The following NEK11 variants were observed in gnomAD, a reference collection of about 807,000 sequenced individuals.
NEK11 encodes the protein serine/threonine-protein kinase Nek11.
A neutral mutation model predicts 80.7 loss-of-function variants in NEK11; 72 were observed. The observed-to-expected ratio is 0.89, with a 90% confidence interval of 0.74 to 1.08. NEK11 has a LOEUF of 1.08. Among genes scored for constraint, NEK11 ranks in the 50% least tolerant of loss-of-function variants. The probability of loss-of-function intolerance (pLI) is 0.00; values close to 1 mark genes in which losing one functional copy is unlikely to be tolerated. For synonymous variants in NEK11, 251 were observed against 260.7 expected (o/e 0.96, Z 0.36); for missense variants, 764 against 763.6 (o/e 1.00, Z -0.01).
At chr3:131,104,771 A>C in intron 4 of NEK11, among the ~76,000 whole-genome samples, 1 of 152,282 alleles carries the variant, frequency 6.6e-6, no homozygotes, top group South Asian at 2.1e-4. Context: ...TGTGGGCTTC[A>C]GTGGTAGCTC....
chr3:131,331,688 G>A (rs559671473), intron 17 of NEK11, among the ~76,000 whole-genome samples: 99 of 152,342 alleles, frequency 6.5e-4, no homozygotes, highest in African/African-American at 2.0e-3. Flanking sequence ...AGCGCAAGGG[G>A]TCAGGGAGTT....
chr3:131,092,551 G>A (rs1049850294), intron 4 of NEK11, among the ~76,000 whole-genome samples: 3 of 152,146 alleles, frequency 2.0e-5, no homozygotes, highest in African/African-American at 7.2e-5. Context: ...TGAAAGGGCA[G>A]CATGAGATGT....
At chr3:131,221,730 T>A (rs1170946971) in intron 14 of NEK11, among the ~76,000 whole-genome samples, 1 of 152,202 alleles carries the variant, frequency 6.6e-6, no homozygotes, top group Non-Finnish European at 1.5e-5. Flanking sequence ...ATGCAGTAGA[T>A]GAAGTGACAG....
chr3:131,101,234 GTTC>G (rs1345791331), intron 4 of NEK11, among the ~76,000 whole-genome samples: 1 of 151,858 alleles, frequency 6.6e-6, no homozygotes, highest in Non-Finnish European at 1.5e-5. Context: ...GTTTCATTCA[GTTC>G]TTCTCTAATT....
intron 16 of NEK11, among the ~76,000 whole-genome samples, chr3:131,247,724 C>T (rs1271621584): frequency 6.6e-6 from 1 of 151,890 alleles, no homozygotes; most frequent in African/African-American, 2.4e-5. Flanking sequence ...TTCTCTCCAT[C>T]CATGAGCGTG....
chr3:131,350,417 CAT>C lies in NEK11; in HGVS notation c.*643_*644del, dbSNP rs1282289753. On this transcript the variant is annotated 3_prime_UTR_variant, in exon 18 of 18. Coordinates refer to ENST00000383366, the MANE Select transcript of NEK11 (RefSeq NM_024800.5). Reference sequence around the variant, plus strand: ...ATTCAAGATTTGTATTCAAAATAAACATAGTTTTCACAGTTACAAAATAAATC... The same window carrying C: ...ATTCAAGATTTGTATTCAAAATAAACAGTTTTCACAGTTACAAAATAAATC... 4 of 152,202 alleles carry C rather than the reference CAT, an allele frequency of 2.6e-5. No homozygotes were observed. The highest frequency in any genetic ancestry group is 2.0e-4 in the Admixed American group (3 of 15,274). 9.4% of individuals were successfully genotyped at this position (152,202 alleles called of 1,614,324 possible). A position where few individuals can be genotyped will look rare whatever the true frequency, so the allele number is the denominator to read the frequency against.
intron 14 of NEK11, among the ~76,000 whole-genome samples, chr3:131,217,674 T>C (rs1192672239): frequency 6.6e-6 from 1 of 152,158 alleles, no homozygotes; most frequent in African/African-American, 2.4e-5. Flanking sequence ...TCCCACTCTC[T>C]TTCCCTCCAC....
chr3:131,128,042 T>C (rs1311194872), intron 5 of NEK11, among the ~76,000 whole-genome samples: 1 of 152,182 alleles, frequency 6.6e-6, no homozygotes, highest in African/African-American at 2.4e-5. Flanking sequence ...CACAGCAAAA[T>C]TGAGTGGAAG....
At chr3:131,205,657 C>CTA (rs1247422809) in intron 14 of NEK11, among the ~76,000 whole-genome samples, 3 of 152,162 alleles carry the variant, frequency 2.0e-5, no homozygotes, top group Non-Finnish European at 4.4e-5. Flanking sequence ...TTCAAAATGA[C>CTA]TAATGTATGG....
At chr3:131,175,259 G>A in intron 14 of NEK11, 1 of 347,256 alleles carries the variant, frequency 2.9e-6, no homozygotes, top group Non-Finnish European at 4.0e-6. Flanking sequence ...CTTTTAGATA[G>A]TTATCTGAAA....
intron 14 of NEK11, among the ~76,000 whole-genome samples, chr3:131,190,019 C>A (rs559984676): frequency 6.6e-6 from 1 of 152,242 alleles, no homozygotes; most frequent in South Asian, 2.1e-4. Flanking sequence ...TATTTTTAAT[C>A]ACATATAGCC....
intron 4 of NEK11, among the ~76,000 whole-genome samples, chr3:131,106,658 AT>A (rs1273752580): frequency 2.0e-5 from 3 of 152,148 alleles, no homozygotes; most frequent in African/African-American, 7.2e-5. Flanking sequence ...CTTGAAAAAT[AT>A]TTTAGGTTTG....
intron 17 of NEK11, among the ~76,000 whole-genome samples, chr3:131,332,030 G>A (rs2097096372): frequency 6.6e-6 from 1 of 152,212 alleles, no homozygotes; most frequent in Non-Finnish European, 1.5e-5. Flanking sequence ...TCCACCTCTG[G>A]GGGCAGGGCA....
chr3:131,318,553 G>T (rs765659120), intron 17 of NEK11, among the ~76,000 whole-genome samples: 40 of 151,568 alleles, frequency 2.6e-4, no homozygotes, highest in Non-Finnish European at 5.3e-4. Context: ...GAGTTGTTTT[G>T]GAAAGTCAAC....
At chr3:131,186,660 T>A (rs980325233) in intron 14 of NEK11, among the ~76,000 whole-genome samples, 1 of 152,126 alleles carries the variant, frequency 6.6e-6, no homozygotes, top group African/African-American at 2.4e-5. Context: ...CTAAGTACAT[T>A]ATGAGTGTAA....
chr3:131,265,846 G>A (rs1046277249), intron 16 of NEK11, among the ~76,000 whole-genome samples: 3 of 152,072 alleles, frequency 2.0e-5, no homozygotes, highest in Non-Finnish European at 4.4e-5. Flanking sequence ...TCTGGTCCTG[G>A]ACTTTTTTTG....
In NEK11 at chr3:131,273,573, GA is replaced by G. The variant is rs2096239927; in HGVS notation, c.1718del (p.Glu573AspfsTer60). The G allele has an allele frequency of 6.2e-7, 1 of 1,612,116 alleles. No individual in the cohort carries two copies. Among genetic ancestry groups the G allele is most frequent in the South Asian group, 1.1e-5 (1 of 91,026 alleles). On this transcript the variant is annotated frameshift_variant and splice_region_variant, in exon 17 of 18. Transcript: ENST00000383366. LOFTEE classifies it low-confidence loss of function (END_TRUNC). ...CAGGACCAAGATGAAACGCATGAGG[GA>G]GTAAGTAGCATGTTGCCTGCCCCCT... ...MARTKMKRMRESAMQKLGTEV... is the reference protein window; with the variant it reads ...MARTKMKRMRXSAMQKLGTEV...
chr3:131,293,885 T>C (rs192735875), intron 17 of NEK11, among the ~76,000 whole-genome samples: 4 of 152,236 alleles, frequency 2.6e-5, no homozygotes, highest in Non-Finnish European at 5.9e-5. Flanking sequence ...AGTATTGTTT[T>C]ATGATCTCGT....
At chr3:131,153,821 A>C (rs1560671591) in intron 9 of NEK11, among the ~76,000 whole-genome samples, 1 of 152,202 alleles carries the variant, frequency 6.6e-6, no homozygotes, top group South Asian at 2.1e-4. Flanking sequence ...TAAGGATGTA[A>C]ATAAAATAAG....
Sources: gnomAD v4.1 joint callset for allele counts (sites outside exome capture counted in the v4.1 genomes callset) on GRCh38, gnomAD v4.1.1 for gene constraint, MANE v1.5 for transcripts, NCBI Gene and HGNC (gene_info 2026-07-23, HGNC 2026-07-21) for gene names.